The following TRAF2 variants were observed in gnomAD, a reference collection of about 807,000 sequenced individuals.
The protein encoded by TRAF2 is TNF receptor-associated factor 2.
Under a neutral mutation model 55.6 loss-of-function variants are expected in TRAF2, and 6 were observed. The ratio of observed to expected loss-of-function variants is 0.11; its 90% CI spans 0.06 to 0.21. The LOEUF is 0.21. TRAF2 is among the 10% of genes least tolerant of loss of function. The probability of loss-of-function intolerance (pLI) is 1.00; values close to 1 mark genes in which losing one functional copy is unlikely to be tolerated. For synonymous variants in TRAF2, 329 were observed against 276.3 expected (o/e 1.19, Z -1.89); for missense variants, 561 against 684.5 (o/e 0.82, Z 2.01).
At position 136,926,471 on chromosome 9, in the gene TRAF2, G is replaced by C. The variant is rs1180437265; in HGVS notation, c.*570G>C. ...GGTCTGTGCCACCTTGGCCAGGCTG[G>C]CTGTGGGAGAGGGTCTGGTCCCACG... On this transcript the variant is annotated 3_prime_UTR_variant, in exon 11 of 11. Transcript: ENST00000247668. The C allele has an allele frequency of 7.3e-6, 1 of 136,604 alleles. No individual in the cohort carries two copies. Among genetic ancestry groups the C allele is most frequent in the Non-Finnish European group, 1.3e-5 (1 of 75,314 alleles). 8.5% of individuals were successfully genotyped at this position (136,604 alleles called of 1,614,324 possible).
intron 7 of TRAF2, among the ~76,000 whole-genome samples, chr9:136,917,872 C>T (rs1015831516): frequency 2.6e-5 from 4 of 152,094 alleles, no homozygotes; most frequent in Admixed American, 6.6e-5. Flanking sequence ...GCGTAGTGAC[C>T]ACCCGGGCCT....
intron 10 of TRAF2, among the ~76,000 whole-genome samples, chr9:136,924,478 C>T (rs1022301083): frequency 6.6e-6 from 1 of 151,934 alleles, no homozygotes; most frequent in Non-Finnish European, 1.5e-5. Context: ...AGGAGCATTG[C>T]TTGAGCCCAG....
At chr9:136,924,091 G>A (rs984363568) in intron 10 of TRAF2, 91 bp downstream of exon 10, 3 of 1,507,192 alleles carry the variant, frequency 2.0e-6, no homozygotes, top group Admixed American at 1.9e-5. Context: ...TGCGGGACAA[G>A]GTGGCTTGGG....
At chr9:136,882,131 T>C (rs756486171), upstream of TRAF2, 22 of 802,062 alleles carry the variant, frequency 2.7e-5, no homozygotes, top group Non-Finnish European at 3.2e-5. Flanking sequence ...CCTGGCTCCA[T>C]GTGCAAGCTG....
intron 10 of TRAF2, among the ~76,000 whole-genome samples, chr9:136,924,885 T>C (rs559289037): frequency 8.4e-4 from 128 of 151,772 alleles, no homozygotes; most frequent in South Asian, 1.7e-3. Context: ...ACTACAGGCA[T>C]GCACCACCAC....
intron 10 of TRAF2, 110 bp downstream of exon 10, chr9:136,924,110 A>G (rs1850464383): frequency 1.5e-6 from 2 of 1,364,714 alleles, no homozygotes; most frequent in South Asian, 2.7e-5. Flanking sequence ...GGCTCGCTGG[A>G]CCAGGTGTCT....
intron 7 of TRAF2, 117 bp downstream of exon 7, chr9:136,916,732 C>G: frequency 1.1e-6 from 1 of 944,504 alleles, no homozygotes; most frequent in Non-Finnish European, 1.7e-6. Context: ...CTCTGCAGCA[C>G]TGCCTCCTCC....
chr9:136,921,470 G>T (rs913213778), intron 9 of TRAF2, among the ~76,000 whole-genome samples: 1 of 152,108 alleles, frequency 6.6e-6, no homozygotes, highest in South Asian at 2.1e-4. Flanking sequence ...CCCTCGAGGT[G>T]TGCCCCTCGT....
At chr9:136,915,009 G>A (rs950290435) in intron 6 of TRAF2, among the ~76,000 whole-genome samples, 2 of 151,924 alleles carry the variant, frequency 1.3e-5, no homozygotes, top group African/African-American at 4.8e-5. Context: ...CAGAAACCCC[G>A]TCTCTACTAA....
intron 1 of TRAF2, among the ~76,000 whole-genome samples, chr9:136,887,429 T>C (rs895206268): frequency 7.2e-5 from 11 of 151,992 alleles, no homozygotes; most frequent in Non-Finnish European, 1.6e-4. Context: ...GCTGGGTATT[T>C]TGGAGTTGTC....
chr9:136,917,971 G>A (rs944578067), intron 7 of TRAF2, among the ~76,000 whole-genome samples: 2 of 151,968 alleles, frequency 1.3e-5, no homozygotes, highest in Admixed American at 6.6e-5. Flanking sequence ...AGTCTGTGGC[G>A]ATGCTCGCTT....
At chr9:136,918,255 A>ATATATT (rs1402432355) in intron 7 of TRAF2, among the ~76,000 whole-genome samples, 7 of 23,358 alleles carry the variant, frequency 3.0e-4, no homozygotes, top group South Asian at 1.9e-3. Flanking sequence ...ATATATATAT[A>ATATATT]TATTTATTTA....
rs1353852370 is a variant in TRAF2 at position 136,920,453 on chromosome 9, G to A, written c.898G>A (p.Ala300Thr). 2 of 1,613,572 alleles carry A rather than the reference G, an allele frequency of 1.2e-6. No homozygotes were observed. Reference protein sequence around the residue: ...NREVERVAMTAEACSRQHRLD... With the variant: ...NREVERVAMTTEACSRQHRLD... The stretch of plus-strand genomic sequence containing the variant: ...GGAGGTGGAGAGGGTGGCCATGACT[G>A]CCGAGGCCTGCAGCCGGCAGCACCG... Residue 300 changes from alanine to threonine, a missense_variant, in exon 8 of 11, where the codon GCC becomes ACC. Ala to Thr is a moderately conservative substitution (Grantham distance 58, BLOSUM62 0). This residue lies in a region of TRAF2 where 426 missense variants were observed against 476.8 expected (regional missense o/e 0.89). Transcript: ENST00000247668.
Sources: allele counts gnomAD v4.1 joint callset (sites outside exome capture counted in the v4.1 genomes callset), GRCh38; gene constraint gnomAD v4.1.1; regional missense constraint gnomAD v4.1.1; transcripts MANE v1.5; gene names NCBI Gene and HGNC (gene_info 2026-07-23, HGNC 2026-07-21).